The following MYO5C variants were observed in gnomAD, a reference collection of about 807,000 sequenced individuals.
The protein encoded by MYO5C is myosin VC, also known as unconventional myosin-Vc.
A neutral mutation model predicts 235.7 loss-of-function variants in MYO5C; 194 were observed. That is an observed-to-expected ratio of 0.82 (90% CI 0.73 to 0.93). The LOEUF is 0.93. MYO5C is among the 40% of genes least tolerant of loss of function. The pLI, the probability that MYO5C is intolerant of heterozygous loss-of-function variation, is 0.00. For synonymous variants in MYO5C, 707 were observed against 754.8 expected, an observed-to-expected ratio of 0.94 and a Z score of 1.04; for missense variants, 2,038 against 2,127.2, an observed-to-expected ratio of 0.96 and a Z score of 0.82.
At chr15:52,295,407 G>C (rs1040463119) in intron 1 of MYO5C, among the ~76,000 whole-genome samples, 1 of 152,168 alleles carries the variant, frequency 6.6e-6, no homozygotes, top group African/African-American at 2.4e-5. Context: ...GAGCACGCCG[G>C]GGCCCTGGAG....
chr15:52,289,734 G>T (rs897549554), intron 1 of MYO5C, among the ~76,000 whole-genome samples: 2 of 152,128 alleles, frequency 1.3e-5, no homozygotes, highest in African/African-American at 4.8e-5. Context: ...AATTCCTGTG[G>T]GTGGGGCCCG....
rs112088956 is a variant in MYO5C at position 52,269,654 on chromosome 15, G to A, written c.940+99C>T. The stretch of plus-strand genomic sequence containing the variant: ...GATCCGCCCACCTCAGCCTCCCAAA[G>A]TGTTGGGATTACAGGTGTGAGCCAC... On this transcript the variant is annotated intron_variant, in intron 8 of 40. Transcript: ENST00000261839. The A allele has an allele frequency of 4.8e-4, 356 of 741,780 alleles. 2 individuals are homozygous for A. The African/African-American group carries it at 5.3e-3, about 11-fold the overall frequency. The allele number at this position is 741,780 out of a possible 1,614,324, so 45.9% of individuals were successfully genotyped here. A position where few individuals can be genotyped will look rare whatever the true frequency, so the allele number is the denominator to read the frequency against.
chr15:52,286,361 T>G (rs1258927338), intron 1 of MYO5C, among the ~76,000 whole-genome samples: 1 of 147,414 alleles, frequency 6.8e-6, no homozygotes, highest in African/African-American at 2.5e-5. Context: ...GTCCGGGAGG[T>G]GAGGGGCGCC....
chr15:52,221,139 A>G (rs1196496464), intron 30 of MYO5C, 23 bp downstream of exon 30: 1 of 1,572,588 alleles, frequency 6.4e-7, no homozygotes. Flanking sequence ...TTCTAAAAGC[A>G]GGTTAATGAG....
At chr15:52,219,080 T>G (rs1023810773) in intron 31 of MYO5C, among the ~76,000 whole-genome samples, 5 of 152,210 alleles carry the variant, frequency 3.3e-5, no homozygotes, top group Non-Finnish European at 7.3e-5. Context: ...GGAGAGACCA[T>G]TAGAAGAGTT....
chr15:52,227,216 A>T (rs2035846233), intron 25 of MYO5C, among the ~76,000 whole-genome samples: 1 of 125,570 alleles, frequency 8.0e-6, no homozygotes, highest in African/African-American at 3.0e-5. Context: ...TTTTGTTGAG[A>T]CGGAGTCTCA....
rs547849749 is a variant in MYO5C at position 52,223,578 on chromosome 15, C to A, written c.3593G>T (p.Arg1198Leu). ...REENDINESI[R>L]HEVTRLTSEN... Reference sequence around the variant, plus strand: ...TGATGTTAGCCTGGTAACTTCATGACGGATGCTTTCATTGATGTCATTTTC... The same window carrying A: ...TGATGTTAGCCTGGTAACTTCATGAAGGATGCTTTCATTGATGTCATTTTC... The change falls in exon 29 of 41, where the codon CGT becomes CTT. Residue 1198 changes from arginine (R) to leucine (L), a missense_variant. Physicochemically the swap from Arg to Leu is moderately radical, Grantham distance 102. Transcript: ENST00000261839. The A allele has an allele frequency of 6.2e-7, 1 of 1,614,010 alleles. No homozygotes were observed. The highest frequency in any genetic ancestry group is 8.5e-7 in the Non-Finnish European group (1 of 1,180,002).
In MYO5C at chr15:52,242,197, C is replaced by T; in HGVS notation, c.2407G>A (p.Val803Met). Residue 803 changes from valine to methionine, a missense_variant, in exon 20 of 41, where the codon GTG (valine) becomes ATG (methionine). Val to Met is a conservative substitution (Grantham distance 21, BLOSUM62 1). Coordinates refer to ENST00000261839, the MANE Select transcript of MYO5C (RefSeq NM_018728.4). ...QQTVRKAITA[V>M]ALKEAWAAII... ...GCTGCCCAAGCTTCTTTTAAGGCCA[C>T]TGCAGTAATAGCTTTCCTTGGTTAA... The T allele has an allele frequency of 3.7e-6, 6 of 1,612,804 alleles. No homozygotes were observed. Among genetic ancestry groups the T allele is most frequent in the Non-Finnish European group, 5.1e-6 (6 of 1,179,248 alleles).
Position 52,271,762 on chromosome 15 carries a change from C to A in MYO5C, c.832+1G>T. On this transcript the variant is annotated splice_donor_variant, in intron 7 of 40. Coordinates refer to ENST00000261839, the MANE Select transcript of MYO5C (RefSeq NM_018728.4). LOFTEE classifies it high-confidence loss of function. The stretch of plus-strand genomic sequence containing the variant: ...CCTTTCATACACGATCCATCACATA[C>A]CCAATTTAAGATGTTTAAATTCCGA... 1 of 1,529,662 alleles carries A rather than the reference C, an allele frequency of 6.5e-7. No individual in the cohort carries two copies. Among genetic ancestry groups the A allele is most frequent in the Non-Finnish European group, 8.9e-7 (1 of 1,123,922 alleles). 94.8% of individuals were successfully genotyped at this position (1,529,662 alleles called of 1,614,324 possible). A position where few individuals can be genotyped will look rare whatever the true frequency, so the allele number is the denominator to read the frequency against.
At chr15:52,290,936 T>A (rs748272529) in intron 1 of MYO5C, among the ~76,000 whole-genome samples, 1 of 152,214 alleles carries the variant, frequency 6.6e-6, no homozygotes, top group Non-Finnish European at 1.5e-5. Flanking sequence ...ATGTGTCAGG[T>A]GCTGTGCTAA....
Position 52,271,864 on chromosome 15 carries a change from C to A in MYO5C, c.751-20G>T. 6.5e-7 allele frequency: 1 copy of A among 1,535,870 alleles called. No individual in the cohort carries two copies. The highest frequency in any genetic ancestry group is 1.2e-5 in the South Asian group (1 of 84,918). Reference sequence around the variant, plus strand: ...TTCCGACTGTAAGATAAAGAAATGTCCTCAAAATTACACCAAATCCTTACA... The same window carrying A: ...TTCCGACTGTAAGATAAAGAAATGTACTCAAAATTACACCAAATCCTTACA... On this transcript the variant is annotated intron_variant, in intron 6 of 40. Transcript: ENST00000261839.
chr15:52,203,951 C>G (rs2035243991), intron 38 of MYO5C, among the ~76,000 whole-genome samples: 1 of 152,180 alleles, frequency 6.6e-6, no homozygotes, highest in Non-Finnish European at 1.5e-5. Context: ...GTCACCTTCC[C>G]TTACGTCATT....
rs1440989993 is a variant in MYO5C, at chr15:52,267,107, C to T, written c.940+2646G>A. On this transcript the variant is annotated intron_variant, in intron 8 of 40. Transcript: ENST00000261839. ...CAGTCTTGGCCCTGGGACTGAGGAA[C>T]GTGATGTGGAAATCTGTAAACATAA... 2.6e-5 allele frequency among the ~76,000 whole-genome samples: 4 copies of T among 152,164 alleles called. No homozygotes were observed. The East Asian group carries it at 5.8e-4, about 22-fold the overall frequency.
chr15:52,292,860 G>A (rs2140877788), intron 1 of MYO5C, among the ~76,000 whole-genome samples: 1 of 152,380 alleles, frequency 6.6e-6, no homozygotes, highest in East Asian at 1.9e-4. Flanking sequence ...GCTCAGACAG[G>A]TGGAGTTCGT....
chr15:52,229,143 T>C lies in MYO5C; in HGVS notation c.3197A>G (p.Lys1066Arg). Residue 1066 changes from lysine (K) to arginine (R), a missense_variant, in exon 25 of 41, where the codon AAG becomes AGG. Lys to Arg is a conservative substitution (Grantham distance 26). Coordinates refer to ENST00000261839, the MANE Select transcript of MYO5C (RefSeq NM_018728.4). The part of the protein sequence containing the change: ...GLKAEVARLS[K>R]QVKTISEFEK... ...TGAGAGCCGCTCTACCTTGACCTGC[T>C]TGCTCAGGCGGGCCACTTCCGCCTT... 6.2e-7 allele frequency: 1 copy of C among 1,614,184 alleles called. No homozygotes were observed. The highest frequency in any genetic ancestry group is 8.5e-7 in the Non-Finnish European group (1 of 1,180,016).
At position 52,238,705 on chromosome 15, in the gene MYO5C, G is replaced by T. The variant is rs181899766; in HGVS notation, c.2703+1028C>A. Among the ~76,000 whole-genome samples, 184 of 147,702 alleles carry T rather than the reference G, an allele frequency of 1.2e-3. 2 individuals carry two copies. In the East Asian group the frequency reaches 0.03, roughly 24 times the overall value. ...TGCCCAGGCTGGAGTGCAGTGGCGC[G>T]ATCTCGGCTCACTGCAAGCTCCGCC... On this transcript the variant is annotated intron_variant, in intron 21 of 40. Coordinates refer to ENST00000261839, the MANE Select transcript of MYO5C (RefSeq NM_018728.4).
intron 13 of MYO5C, among the ~76,000 whole-genome samples, chr15:52,250,815 G>A (rs1052073267): frequency 6.6e-6 from 1 of 152,162 alleles, no homozygotes; most frequent in South Asian, 2.1e-4. Context: ...TACATTTAGG[G>A]CAGGTGGTTA....
chr15:52,264,019 C>T (rs1008210714), intron 9 of MYO5C, among the ~76,000 whole-genome samples, 171 bp downstream of exon 9: 8 of 152,156 alleles, frequency 5.3e-5, no homozygotes, highest in Non-Finnish European at 7.3e-5. Context: ...GGGGAGGAGG[C>T]TTTACTCTTT....
rs2036117531 is a variant in MYO5C, at chr15:52,237,612, G to C, written c.2738C>G (p.Thr913Ser). 3.1e-6 allele frequency: 5 copies of C among 1,613,926 alleles called. No homozygotes were observed. The highest frequency in any genetic ancestry group is 4.2e-6 in the Non-Finnish European group (5 of 1,180,030). The change falls in exon 22 of 41, where the codon ACT becomes AGT. Residue 913 changes from threonine to serine, a missense_variant. Transcript: ENST00000261839. The stretch of plus-strand genomic sequence containing the variant: ...CCCAGCTCGAAGAGCAGCCAGGCTA[G>C]TCAGCTTCTCCACCAGCCCATGGTT... ...KENHGLVEKL[T>S]SLAALRAGDV...
Sources: gnomAD v4.1 joint callset for allele counts (sites outside exome capture counted in the v4.1 genomes callset) on GRCh38, gnomAD v4.1.1 for gene constraint, MANE v1.5 for transcripts, NCBI Gene and HGNC (gene_info 2026-07-23, HGNC 2026-07-21) for gene names.